The following ANKRD33B variants were observed in gnomAD, a reference collection of about 807,000 sequenced individuals.
ANKRD33B encodes the protein ankyrin repeat domain-containing protein 33B.
Under a neutral mutation model 21.5 loss-of-function variants are expected in ANKRD33B, and 6 were observed. That is an observed-to-expected ratio of 0.28 (90% CI 0.15 to 0.55). The LOEUF is 0.55. ANKRD33B is among the 20% of genes least tolerant of loss of function. The pLI, the probability that ANKRD33B is intolerant of heterozygous loss-of-function variation, is 0.94. For missense variants in ANKRD33B, 698 were observed against 747.2 expected (o/e 0.93, Z 0.77); for synonymous variants, 347 against 342.4 (o/e 1.01, Z -0.15).
chr5:10,613,307 TAG>T (rs1736213536), intron 1 of ANKRD33B, among the ~76,000 whole-genome samples: 1 of 149,576 alleles, frequency 6.7e-6, no homozygotes, highest in Non-Finnish European at 1.5e-5. Flanking sequence ...TTTTTTGAGA[TAG>T]AGTCTTGCTC....
chr5:10,602,283 G>C (rs1735950778), intron 1 of ANKRD33B, among the ~76,000 whole-genome samples: 1 of 152,250 alleles, frequency 6.6e-6, no homozygotes, highest in Admixed American at 6.5e-5. Context: ...CAGGAGCCTG[G>C]GCTGAGGCCT....
intron 2 of ANKRD33B, among the ~76,000 whole-genome samples, chr5:10,620,553 A>G (rs1471113869): frequency 1.3e-5 from 2 of 152,192 alleles, no homozygotes; most frequent in East Asian, 1.9e-4. Context: ...TTCTTTTCTT[A>G]CTGATCTGCC....
At position 10,654,418 on chromosome 5, in the gene ANKRD33B, ATATAGT is replaced by A. The variant is rs1013642632; in HGVS notation, c.*4308_*4313del. ...TACCTTCTCAGGGATTTATATATAAATATAGTTAGAGGAAAAGTTGAAGTCTATTTT... is the reference window on the plus strand; with the variant it reads ...TACCTTCTCAGGGATTTATATATAAATAGAGGAAAAGTTGAAGTCTATTTT... On this transcript the variant is annotated 3_prime_UTR_variant, in exon 4 of 4. Transcript: ENST00000296657. 5.9e-5 allele frequency: 9 copies of A among 152,358 alleles called. No homozygotes were observed. The East Asian group carries it at 7.5e-4, about 13-fold the overall frequency. 9.4% of individuals were successfully genotyped at this position (152,358 alleles called of 1,614,324 possible).
rs187754978 is a variant in ANKRD33B at position 10,612,940 on chromosome 5, C to G, written c.367-5393C>G. Among the ~76,000 whole-genome samples, 182 of 152,322 alleles carry G rather than the reference C, an allele frequency of 1.2e-3. 1 individual carries two copies. Among genetic ancestry groups the G allele is most frequent in the African/African-American group, 4.2e-3 (174 of 41,568 alleles). On this transcript the variant is annotated intron_variant, in intron 1 of 3. Transcript: ENST00000296657. ...CATAGACATCTCCCCCGACCTATTG[C>G]TGGTGTTATTATGGGGTTTTATAGA...
In ANKRD33B at chr5:10,564,296, A is replaced by C; in HGVS notation, c.-172A>C. The C allele has an allele frequency of 3.5e-6, 1 of 285,090 alleles. No homozygotes were observed. The highest frequency in any genetic ancestry group is 5.3e-6 in the Non-Finnish European group (1 of 188,658). 17.7% of individuals were successfully genotyped at this position (285,090 alleles called of 1,614,324 possible). A position where few individuals can be genotyped will look rare whatever the true frequency, so the allele number is the denominator to read the frequency against. On this transcript the variant is annotated 5_prime_UTR_variant, in exon 1 of 4. Coordinates refer to ENST00000296657, the MANE Select transcript of ANKRD33B (RefSeq NM_001164440.2). ...CCCCAGGGGCTCGCTCAGCCTCCGG[A>C]GACTTTTTTCTTTGAGCGCAGCCGC...
intron 1 of ANKRD33B, among the ~76,000 whole-genome samples, chr5:10,582,429 C>T (rs564371055): frequency 6.6e-6 from 1 of 152,340 alleles, no homozygotes; most frequent in African/African-American, 2.4e-5. Flanking sequence ...TCCCACATTT[C>T]ACTGGGGTCT....
intron 3 of ANKRD33B, among the ~76,000 whole-genome samples, chr5:10,646,477 T>G (rs1337375627): frequency 6.6e-6 from 1 of 152,236 alleles, no homozygotes; most frequent in Non-Finnish European, 1.5e-5. Context: ...CCTTTGTTCC[T>G]TAGAATGTTT....
intron 3 of ANKRD33B, among the ~76,000 whole-genome samples, chr5:10,645,830 G>A (rs1335617961): frequency 1.3e-5 from 2 of 152,240 alleles, no homozygotes; most frequent in African/African-American, 4.8e-5. Flanking sequence ...CTGGAAGAAT[G>A]GGGAACAGGA....
In ANKRD33B at chr5:10,576,928, AGCCTGAAAC is replaced by A. The variant is rs1735334876; in HGVS notation, c.366+12098_366+12106del. On this transcript the variant is annotated intron_variant, in intron 1 of 3. Transcript: ENST00000296657. This position sits in a 1 kb window ranked among gnomAD's most constrained non-coding sequence, Gnocchi z 4.1. The stretch of plus-strand genomic sequence containing the variant: ...GGCACCTCGGATGACGCGAGGGTGG[AGCCTGAAAC>A]GCTGGCCCAGGAAATGGAACAGAAG... 1.3e-5 allele frequency among the ~76,000 whole-genome samples: 2 copies of A among 152,142 alleles called. No homozygotes were observed. The highest frequency in any genetic ancestry group is 4.2e-4 in the South Asian group (2 of 4,818).
chr5:10,577,442 C>T (rs1735348520), intron 1 of ANKRD33B, among the ~76,000 whole-genome samples: 1 of 152,218 alleles, frequency 6.6e-6, no homozygotes, highest in Admixed American at 6.5e-5. Context: ...TTTTCTTCAG[C>T]ACCAGTTACT....
Position 10,616,349 on chromosome 5 carries a change from G to A in ANKRD33B, c.367-1984G>A, listed in dbSNP as rs148695657. The stretch of plus-strand genomic sequence containing the variant: ...TGGGAGACTGAGGTGGGTAGATCAC[G>A]AGGTCAGGAGTTCGAGACCACCCTG... On this transcript the variant is annotated intron_variant, in intron 1 of 3. Transcript: ENST00000296657. Among the ~76,000 whole-genome samples the A allele has an allele frequency of 3.9e-5, 6 of 152,084 alleles. No individual in the cohort carries two copies. The East Asian group carries it at 7.7e-4, about 20-fold the overall frequency.
At chr5:10,603,003 G>A (rs114582648) in intron 1 of ANKRD33B, among the ~76,000 whole-genome samples, 2 of 151,854 alleles carry the variant, frequency 1.3e-5, no homozygotes, top group Non-Finnish European at 2.9e-5. Flanking sequence ...TTGTAGAGAC[G>A]CGGTTTTGCC....
chr5:10,573,148 C>T (rs776494663), intron 1 of ANKRD33B, among the ~76,000 whole-genome samples: 9 of 152,094 alleles, frequency 5.9e-5, no homozygotes, highest in Non-Finnish European at 1.2e-4. Context: ...TTCAACTGTC[C>T]TTTAAATTCA....
At chr5:10,612,137 G>C (rs1466524439) in intron 1 of ANKRD33B, among the ~76,000 whole-genome samples, 1 of 152,212 alleles carries the variant, frequency 6.6e-6, no homozygotes, top group East Asian at 1.9e-4. Flanking sequence ...TTTAAGACTT[G>C]TATGAAGTAT....
intron 1 of ANKRD33B, among the ~76,000 whole-genome samples, chr5:10,617,634 AGAT>A (rs141865074): frequency 0.039 from 5,926 of 152,256 alleles, 208 homozygotes; most frequent in Admixed American, 0.086. Flanking sequence ...GAGTGGATGC[AGAT>A]GATTGGCAGC....
At chr5:10,577,681 C>G (rs538205071) in intron 1 of ANKRD33B, among the ~76,000 whole-genome samples, 1 of 152,188 alleles carries the variant, frequency 6.6e-6, no homozygotes, top group South Asian at 2.1e-4. Context: ...TTTTAAAACT[C>G]GAGAGACAAT....
intron 1 of ANKRD33B, among the ~76,000 whole-genome samples, chr5:10,582,770 C>G (rs990631244): frequency 1.3e-5 from 2 of 152,200 alleles, no homozygotes; most frequent in African/African-American, 2.4e-5. Flanking sequence ...ATGGACTTCC[C>G]GTGGGCTCCT....
At chr5:10,578,255 G>C (rs1735368695) in intron 1 of ANKRD33B, among the ~76,000 whole-genome samples, 1 of 152,174 alleles carries the variant, frequency 6.6e-6, no homozygotes, top group African/African-American at 2.4e-5. Context: ...CAGGAAACTG[G>C]GATGGTTAGT....
At chr5:10,596,028 G>C (rs759927278) in intron 1 of ANKRD33B, among the ~76,000 whole-genome samples, 1 of 152,188 alleles carries the variant, frequency 6.6e-6, no homozygotes, top group Non-Finnish European at 1.5e-5. Context: ...ATGCCTGGGG[G>C]ATCTTTGTTT....
Sources: gnomAD v4.1 joint callset for allele counts (sites outside exome capture counted in the v4.1 genomes callset) on GRCh38, gnomAD v4.1.1 for gene constraint, Gnocchi (gnomAD v3.1) non-coding constraint, MANE v1.5 for transcripts, NCBI Gene and HGNC (gene_info 2026-07-23, HGNC 2026-07-21) for gene names.